Variants in XYLT1 observed in about 807,000 individuals in gnomAD.
The protein encoded by XYLT1 is beta-D-xylosyltransferase 1.
XYLT1 carries 36 observed loss-of-function variants against 91.3 expected under a neutral mutation model. That is an observed-to-expected ratio of 0.39 (90% CI 0.30 to 0.52). The LOEUF (loss-of-function observed/expected upper bound fraction) is 0.52. XYLT1 is among the 20% of genes least tolerant of loss of function. XYLT1 has a pLI of 0.68. For missense variants in XYLT1, 1,242 were observed against 1,284.5 expected (o/e 0.97, Z 0.51); for synonymous variants, 588 against 532.0 (o/e 1.11, Z -1.45).
At chr16:17,394,915 G>A (rs1008361082) in intron 1 of XYLT1, among the ~76,000 whole-genome samples, 38 of 152,194 alleles carry the variant, frequency 2.5e-4, no homozygotes, top group African/African-American at 8.9e-4. Flanking sequence ...GAGGACAGGA[G>A]TTCAACACCA....
intron 2 of XYLT1, among the ~76,000 whole-genome samples, chr16:17,334,506 T>A (rs1451136607): frequency 6.7e-6 from 1 of 148,794 alleles, no homozygotes; most frequent in African/African-American, 2.5e-5. Context: ...ACCTAAATGA[T>A]GAATTCACAC....
chr16:17,171,497 A>G lies in XYLT1; in HGVS notation c.1290-12588T>C, dbSNP rs1190599433. On this transcript the variant is annotated intron_variant, in intron 5 of 11. Transcript: ENST00000261381. ...GAGATCGATTCTGGAGGATCAGGAC[A>G]TGCTGCGTCCAGTAGACTCTTTACC... is the stretch of plus-strand genomic sequence containing the variant. Among the ~76,000 whole-genome samples, 8 of 152,348 alleles carry G rather than the reference A, an allele frequency of 5.3e-5. No homozygotes were observed. The East Asian group carries it at 5.8e-4, about 11-fold the overall frequency.
Position 17,185,134 on chromosome 16 carries a change from GA to G in XYLT1, c.1289+13077del, listed in dbSNP as rs1191752497. Among the ~76,000 whole-genome samples, 482 of 152,322 alleles carry G rather than the reference GA, an allele frequency of 3.2e-3. 2 individuals are homozygous for G. The highest frequency in any genetic ancestry group is 0.011 in the African/African-American group (470 of 41,570). On this transcript the variant is annotated intron_variant, in intron 5 of 11. Transcript: ENST00000261381. ...ACTTCTGGCCTTAAGAAGGCTTAAA[GA>G]GCTGACCAGCCTAAAATACAGCTCA...
intron 5 of XYLT1, among the ~76,000 whole-genome samples, chr16:17,190,784 A>C (rs775502067): frequency 6.6e-6 from 1 of 152,114 alleles, no homozygotes; most frequent in Non-Finnish European, 1.5e-5. Context: ...AAGCAGCATG[A>C]TTTATAATCC....
At chr16:17,430,896 G>A (rs2036382247) in intron 1 of XYLT1, among the ~76,000 whole-genome samples, 1 of 152,054 alleles carries the variant, frequency 6.6e-6, no homozygotes, top group East Asian at 1.9e-4. Flanking sequence ...GGGCTGAACA[G>A]CACTCATAAC....
intron 1 of XYLT1, among the ~76,000 whole-genome samples, chr16:17,456,332 C>CT (rs869026409): frequency 0.045 from 5,155 of 114,028 alleles, 136 homozygotes; most frequent in African/African-American, 0.07. Context: ...CAGTACAAAC[C>CT]TTTTTTTTTT....
chr16:17,306,131 G>A (rs891538000), intron 2 of XYLT1, among the ~76,000 whole-genome samples: 1 of 152,162 alleles, frequency 6.6e-6, no homozygotes, highest in Admixed American at 6.5e-5. Context: ...CTCTGTATGT[G>A]GAAATTTCAG....
intron 1 of XYLT1, among the ~76,000 whole-genome samples, chr16:17,432,844 C>T (rs192324665): frequency 6.6e-5 from 10 of 152,080 alleles, no homozygotes; most frequent in South Asian, 2.1e-4. Context: ...CAAGCAGATA[C>T]GCTGGAGATG....
chr16:17,144,569 A>G lies in XYLT1; in HGVS notation c.1371-3200T>C, dbSNP rs535113801. ...GGGTGCAGGGAGGAGAGAAAAATGG[A>G]CATTCTAGACAGAAAACAGACTCAT... On this transcript the variant is annotated intron_variant, in intron 6 of 11. Coordinates refer to ENST00000261381, the MANE Select transcript of XYLT1 (RefSeq NM_022166.4). Among the ~76,000 whole-genome samples, 22 of 152,290 alleles carry G rather than the reference A, an allele frequency of 1.4e-4. No individual in the cohort carries two copies. In the South Asian group the frequency reaches 4.6e-3, roughly 32 times the overall value.
At chr16:17,137,293 A>G (rs983205986) in intron 8 of XYLT1, among the ~76,000 whole-genome samples, 1 of 152,156 alleles carries the variant, frequency 6.6e-6, no homozygotes, top group Non-Finnish European at 1.5e-5. Context: ...AGTAAAGCCA[A>G]TGCCCACACA....
At chr16:17,371,154 C>G (rs1047628591) in intron 1 of XYLT1, among the ~76,000 whole-genome samples, 12 of 152,178 alleles carry the variant, frequency 7.9e-5, no homozygotes, top group African/African-American at 2.9e-4. Context: ...CCCAGGAATA[C>G]AAGGCAGAGA....
At chr16:17,381,933 C>T (rs1000701550) in intron 1 of XYLT1, among the ~76,000 whole-genome samples, 2 of 151,774 alleles carry the variant, frequency 1.3e-5, no homozygotes, top group African/African-American at 2.4e-5. Flanking sequence ...CTCAGTTAAT[C>T]CTCACTGCAA....
intron 5 of XYLT1, among the ~76,000 whole-genome samples, chr16:17,182,310 G>T (rs1186461867): frequency 6.6e-6 from 1 of 152,162 alleles, no homozygotes; most frequent in African/African-American, 2.4e-5. Context: ...TCAATTAGAT[G>T]CTGGTGAGGC....
rs111675563 is a variant in XYLT1, at chr16:17,173,403, C to T, written c.1290-14494G>A. Among the ~76,000 whole-genome samples the T allele has an allele frequency of 5.0e-3, 756 of 152,354 alleles. 6 individuals are homozygous for T. The highest frequency in any genetic ancestry group is 8.9e-3 in the Admixed American group (137 of 15,310). On this transcript the variant is annotated intron_variant, in intron 5 of 11. Coordinates refer to ENST00000261381, the MANE Select transcript of XYLT1 (RefSeq NM_022166.4). ...GAGCTTTGGTGTTCCGAGGCATCCA[C>T]GTACATCCTGGATTAGCTTCCCTCT...
chr16:17,202,758 T>G (rs913931372), intron 3 of XYLT1, among the ~76,000 whole-genome samples: 2 of 152,206 alleles, frequency 1.3e-5, no homozygotes, highest in Non-Finnish European at 2.9e-5. Flanking sequence ...ACTTGCTTAT[T>G]ATCTGAACAC....
intron 1 of XYLT1, among the ~76,000 whole-genome samples, chr16:17,415,806 G>A (rs2036173210): frequency 6.6e-6 from 1 of 152,160 alleles, no homozygotes; most frequent in Non-Finnish European, 1.5e-5. Flanking sequence ...TCCATTTGCT[G>A]TGCATGCAGT....
At chr16:17,374,991 T>C (rs2035579963) in intron 1 of XYLT1, among the ~76,000 whole-genome samples, 1 of 152,136 alleles carries the variant, frequency 6.6e-6, no homozygotes, top group Non-Finnish European at 1.5e-5. Flanking sequence ...CGTTCAGCAC[T>C]AAAAATCAGG....
At chr16:17,334,799 C>T (rs140454078) in intron 2 of XYLT1, among the ~76,000 whole-genome samples, 5 of 151,786 alleles carry the variant, frequency 3.3e-5, no homozygotes, top group South Asian at 4.2e-4. Context: ...AGGAGAATGG[C>T]GTGAACCTAG....
intron 9 of XYLT1, among the ~76,000 whole-genome samples, chr16:17,133,449 A>G (rs975523720): frequency 3.3e-5 from 5 of 151,852 alleles, no homozygotes; most frequent in Non-Finnish European, 7.3e-5. Context: ...AACATTATTT[A>G]CAAGGGTACA....
Sources: gnomAD v4.1 joint callset for allele counts (sites outside exome capture counted in the v4.1 genomes callset) on GRCh38, gnomAD v4.1.1 for gene constraint, MANE v1.5 for transcripts, NCBI Gene and HGNC (gene_info 2026-07-23, HGNC 2026-07-21) for gene names.